Variants in ZNF285 observed in about 807,000 individuals in gnomAD.
ZNF285 encodes zinc finger protein 285.
A neutral mutation model predicts 6.2 loss-of-function variants in ZNF285; 4 were observed. The ratio of observed to expected loss-of-function variants is 0.65; its 90% CI spans 0.32 to 1.49. The LOEUF is 1.49. ZNF285 is among the 40% of genes most tolerant of loss of function. The probability of loss-of-function intolerance (pLI) is 0.07; values close to 1 mark genes in which losing one functional copy is unlikely to be tolerated. For synonymous variants in ZNF285, 240 were observed against 245.8 expected (o/e 0.98, Z 0.22); for missense variants, 695 against 708.8 (o/e 0.98, Z 0.22).
rs1971039086 is a variant in ZNF285, at chr19:44,384,299, T to G, written c.*2173A>C. Reference sequence around the variant, plus strand: ...CATATTTCTTTCTGAAACCATATTTTCCCCACTCATGTAATTACATCCTAA... The same window carrying G: ...CATATTTCTTTCTGAAACCATATTTGCCCCACTCATGTAATTACATCCTAA... On this transcript the variant is annotated 3_prime_UTR_variant, in exon 4 of 4. Coordinates refer to ENST00000614994, the MANE Select transcript of ZNF285 (RefSeq NM_152354.6). 6.6e-6 allele frequency: 1 copy of G among 152,148 alleles called. No homozygotes were observed. The highest frequency in any genetic ancestry group is 2.4e-5 in the African/African-American group (1 of 41,422). 9.4% of individuals were successfully genotyped at this position (152,148 alleles called of 1,614,324 possible).
rs56735186 is a variant in ZNF285 at position 44,385,000 on chromosome 19, C to CAAAAAAA, written c.*1465_*1471dup. 5.6e-4 allele frequency: 36 copies of CAAAAAAA among 64,310 alleles called. No individual in the cohort carries two copies. The highest frequency in any genetic ancestry group is 7.8e-4 in the Non-Finnish European group (27 of 34,406). 4.0% of individuals were successfully genotyped at this position (64,310 alleles called of 1,614,324 possible). On this transcript the variant is annotated 3_prime_UTR_variant, in exon 4 of 4. Coordinates refer to ENST00000614994, the MANE Select transcript of ZNF285 (RefSeq NM_152354.6). Reference sequence around the variant, plus strand: ...GGGTGACACAGCAAGACCCTGTTTCCAAAAAAAAAAAAAAAAAAAAAAAGC... The same window carrying CAAAAAAA: ...GGGTGACACAGCAAGACCCTGTTTCCAAAAAAAAAAAAAAAAAAAAAAAAAAAAAAGC...
chr19:44,392,805 A>G (rs940072101), intron 2 of ZNF285, among the ~76,000 whole-genome samples: 2 of 152,162 alleles, frequency 1.3e-5, no homozygotes, highest in African/African-American at 4.8e-5. Flanking sequence ...AATATGGCCC[A>G]GGAAATAGGC....
At chr19:44,397,387 A>G in intron 1 of ZNF285, 131 bp from the exon 2 acceptor site, 1 of 1,092,886 alleles carries the variant, frequency 9.2e-7, no homozygotes, top group Non-Finnish European at 1.3e-6. Flanking sequence ...CGCTCTGAAC[A>G]GACTGAACTC....
intron 1 of ZNF285, among the ~76,000 whole-genome samples, chr19:44,400,086 A>G (rs1191654945): frequency 6.6e-6 from 1 of 150,678 alleles, no homozygotes; most frequent in Admixed American, 6.6e-5. Context: ...GCCAGAAGGC[A>G]ATGGCGGCCT....
At chr19:44,397,164 C>T (rs1971294845) in intron 2 of ZNF285, 35 bp downstream of exon 2, 1 of 1,613,508 alleles carries the variant, frequency 6.2e-7, no homozygotes, top group East Asian at 2.2e-5. Context: ...TCAGAATGAA[C>T]AGCATATTTA....
intron 1 of ZNF285, 91 bp from the exon 2 acceptor site, chr19:44,397,347 T>C: frequency 6.8e-7 from 1 of 1,466,614 alleles, no homozygotes; most frequent in Non-Finnish European, 9.5e-7. Flanking sequence ...TTTCTCACAA[T>C]TTCTCCTCTC....
In ZNF285 at chr19:44,386,507, G is replaced by C; in HGVS notation, c.1738C>G (p.His580Asp). 1 of 1,613,480 alleles carries C rather than the reference G, an allele frequency of 6.2e-7. No homozygotes were observed. The highest frequency in any genetic ancestry group is 8.5e-7 in the Non-Finnish European group (1 of 1,179,544). Residue 580 changes from histidine to aspartate, a missense_variant, in exon 4 of 4, where the codon CAT becomes GAT. Transcript: ENST00000614994. The part of the protein sequence containing the change: ...HCERGKDLLT[H>D]QRLHEQRETL ...TCTCTCTGCTCATGTAGTCTTTGAT[G>C]AGTCAGAAGGTCCTTTCCACGCTCA...
intron 3 of ZNF285, 93 bp from the exon 4 acceptor site, chr19:44,388,195 C>CATCAAAATATTA: frequency 8.3e-7 from 1 of 1,203,362 alleles, no homozygotes; most frequent in African/African-American, 1.5e-5. Flanking sequence ...GGGAAGTTGT[C>CATCAAAATATTA]CCTGGGTTCT....
rs1311388294 is a variant in ZNF285, at chr19:44,384,347, T to G, written c.*2125A>C. 2.6e-5 allele frequency: 4 copies of G among 152,178 alleles called. No homozygotes were observed. The highest frequency in any genetic ancestry group is 2.0e-4 in the Admixed American group (3 of 15,278). 9.4% of individuals were successfully genotyped at this position (152,178 alleles called of 1,614,324 possible). On this transcript the variant is annotated 3_prime_UTR_variant, in exon 4 of 4. Coordinates refer to ENST00000614994, the MANE Select transcript of ZNF285 (RefSeq NM_152354.6). ...TAAAAATACATTCTGAGAAGCAGGA[T>G]CATTGGCTCAAAGACAATGCACATT... is the stretch of plus-strand genomic sequence containing the variant.
chr19:44,394,577 A>T (rs562609447), intron 2 of ZNF285: 85 of 578,024 alleles, frequency 1.5e-4, no homozygotes, highest in Non-Finnish European at 2.4e-4. Flanking sequence ...AGAAAATTTT[A>T]AAAAATTAAA....
chr19:44,395,468 C>CTGTTGTATGATAA (rs1436499838), intron 2 of ZNF285, among the ~76,000 whole-genome samples: 1 of 152,146 alleles, frequency 6.6e-6, no homozygotes, highest in Non-Finnish European at 1.5e-5. Context: ...CAACAACTAA[C>CTGTTGTATGATAA]TGTATGATAG....
In ZNF285 at chr19:44,388,169, T is replaced by C. The variant is rs112821114; in HGVS notation, c.143-67A>G. On this transcript the variant is annotated intron_variant, in intron 3 of 3. Transcript: ENST00000614994. ...CATCCATCCAGAGGTTTTGAGAAAA[T>C]GTAATATGATGGGGTGGGAAGTTGT... is the stretch of plus-strand genomic sequence containing the variant. 3,916 of 1,438,868 alleles carry C rather than the reference T, an allele frequency of 2.7e-3. 29 individuals are homozygous for C. The highest frequency in any genetic ancestry group is 0.019 in the African/African-American group (1,343 of 70,554). 89.1% of individuals were successfully genotyped at this position (1,438,868 alleles called of 1,614,324 possible). A position where few individuals can be genotyped will look rare whatever the true frequency, so the allele number is the denominator to read the frequency against.
chr19:44,386,245 A>C lies in ZNF285; in HGVS notation c.*227T>G, dbSNP rs1971066687. ...ACTACCACAAACCACCCATTTGTCAAAAGTAACCTCTTTGCCATTGTAGCA... is the reference window on the plus strand; with the variant it reads ...ACTACCACAAACCACCCATTTGTCACAAGTAACCTCTTTGCCATTGTAGCA... On this transcript the variant is annotated 3_prime_UTR_variant, in exon 4 of 4. Transcript: ENST00000614994. 2.1e-6 allele frequency: 1 copy of C among 486,232 alleles called. No individual in the cohort carries two copies. Among genetic ancestry groups the C allele is most frequent in the Admixed American group, 3.5e-5 (1 of 28,700 alleles). The allele number at this position is 486,232 out of a possible 1,614,324, so 30.1% of individuals were successfully genotyped here.
Position 44,386,560 on chromosome 19 carries a change from T to G in ZNF285, c.1685A>C (p.His562Pro). ...NSYLLAHQRV[H>P]IDETQYTHCE... ...GTGTGTGTACTGTGTCTCATCTATATGCACTCTCTGATGGGCAAGGAGGTA... is the reference window on the plus strand; with the variant it reads ...GTGTGTGTACTGTGTCTCATCTATAGGCACTCTCTGATGGGCAAGGAGGTA... The change falls in exon 4 of 4, where the codon CAT (histidine) becomes CCT (proline). Residue 562 changes from histidine to proline, a missense_variant. Transcript: ENST00000614994. 9 of 1,614,204 alleles carry G rather than the reference T, an allele frequency of 5.6e-6. No individual in the cohort carries two copies. The highest frequency in any genetic ancestry group is 7.6e-6 in the Non-Finnish European group (9 of 1,180,008).
intron 2 of ZNF285, chr19:44,396,889 T>G (rs1307151990): frequency 2.4e-5 from 8 of 337,744 alleles, no homozygotes; most frequent in East Asian, 1.7e-4. Context: ...ACACCAAATT[T>G]CTGTAAGTTT....
At position 44,392,306 on chromosome 19, in the gene ZNF285, A is replaced by G. The variant is rs1392196284; in HGVS notation, c.142+34T>C. 24 of 1,612,962 alleles carry G rather than the reference A, an allele frequency of 1.5e-5. No homozygotes were observed. The Admixed American group carries it at 4.0e-4, about 27-fold the overall frequency. On this transcript the variant is annotated intron_variant, in intron 3 of 3. Transcript: ENST00000614994. The stretch of plus-strand genomic sequence containing the variant: ...CTGGTTTGAAATGATGATTTGAGGA[A>G]ACAGGTCCAGTGGTCTCATGCTCAG...
At chr19:44,399,458 A>C (rs1189086366) in intron 1 of ZNF285, among the ~76,000 whole-genome samples, 4 of 147,190 alleles carry the variant, frequency 2.7e-5, no homozygotes, top group African/African-American at 7.9e-5. Flanking sequence ...TTATCATTTA[A>C]CAAGCACTCA....
chr19:44,385,144 A>G lies in ZNF285; in HGVS notation c.*1328T>C, dbSNP rs1971049633. On this transcript the variant is annotated 3_prime_UTR_variant, in exon 4 of 4. Transcript: ENST00000614994. ...ATTATACAGGTCTGCTGAGAAGAAG[A>G]CTGCATCAGTCTGCAATGAACACTG... 6.6e-6 allele frequency: 1 copy of G among 152,210 alleles called. No homozygotes were observed. The highest frequency in any genetic ancestry group is 2.4e-5 in the African/African-American group (1 of 41,450). 9.4% of individuals were successfully genotyped at this position (152,210 alleles called of 1,614,324 possible). A position where few individuals can be genotyped will look rare whatever the true frequency, so the allele number is the denominator to read the frequency against.
intron 1 of ZNF285, among the ~76,000 whole-genome samples, chr19:44,398,741 C>T (rs1445030053): frequency 3.3e-5 from 5 of 151,940 alleles, no homozygotes; most frequent in East Asian, 1.9e-4. Context: ...TCTGATAAAC[C>T]CTGTAAACAC....
Sources: allele counts gnomAD v4.1 joint callset (sites outside exome capture counted in the v4.1 genomes callset), GRCh38; gene constraint gnomAD v4.1.1; transcripts MANE v1.5; gene names NCBI Gene and HGNC (gene_info 2026-07-23, HGNC 2026-07-21).